LAMA3: variants seen among roughly 807,000 people sequenced by gnomAD.
The protein encoded by LAMA3 is laminin subunit alpha-3.
A neutral mutation model predicts 402.0 loss-of-function variants in LAMA3; 281 were observed. The observed-to-expected ratio is 0.70, with a 90% CI of 0.63 to 0.77. LAMA3 has a LOEUF of 0.77. LAMA3 is among the 30% of genes least tolerant of loss of function. LAMA3 has a pLI of 0.00. For missense variants in LAMA3, 3,840 were observed against 4,215.5 expected (o/e 0.91, Z 2.47); for synonymous variants, 1,431 against 1,558.4 (o/e 0.92, Z 1.93).
intron 22 of LAMA3, 74 bp from the exon 23 acceptor site, chr18:23,827,240 G>A (rs2063400809): frequency 1.4e-6 from 2 of 1,449,092 alleles, no homozygotes; most frequent in African/African-American, 1.4e-5. Flanking sequence ...AGAGTCTTTG[G>A]GGATGTACTT....
intron 12 of LAMA3, among the ~76,000 whole-genome samples, chr18:23,798,473 C>A (rs931609635): frequency 6.6e-6 from 1 of 152,106 alleles, no homozygotes; most frequent in Admixed American, 6.5e-5. Flanking sequence ...AGACACCGGC[C>A]GGGGAGGAGA....
At chr18:23,734,368 T>A (rs1479659442) in intron 2 of LAMA3, among the ~76,000 whole-genome samples, 1 of 152,190 alleles carries the variant, frequency 6.6e-6, no homozygotes, top group Non-Finnish European at 1.5e-5. Flanking sequence ...ACAGCCTCCA[T>A]CAGTTTGTGT....
rs2081298542 is a variant in LAMA3 at position 23,907,812 on chromosome 18, A to C, written c.6892A>C (p.Ile2298Leu). ...GAGCATGGTCAGAAAGGCCAACGAC[A>C]TCACAGATGAGGTTCTGGATGGGCT... The part of the protein sequence containing the change: ...AKSMVRKAND[I>L]TDEVLDGLNP... Residue 2298 changes from isoleucine (I) to leucine (L), a missense_variant, in exon 54 of 75, where the codon ATC becomes CTC. Ile to Leu is a conservative substitution (Grantham distance 5). Around this residue, in one of 3 missense-constraint regions of LAMA3, gnomAD observed 891 missense variants for 857.5 expected, o/e 1.04. Coordinates refer to ENST00000313654, the MANE Select transcript of LAMA3 (RefSeq NM_198129.4). The C allele has an allele frequency of 1.9e-6, 3 of 1,614,254 alleles. No individual in the cohort carries two copies. The highest frequency in any genetic ancestry group is 2.5e-6 in the Non-Finnish European group (3 of 1,180,044).
At chr18:23,845,614 A>G (rs1023720648) in intron 30 of LAMA3, among the ~76,000 whole-genome samples, 14 of 152,134 alleles carry the variant, frequency 9.2e-5, no homozygotes, top group African/African-American at 3.4e-4. Flanking sequence ...AGCTCCTGCC[A>G]TTCTCTTCTG....
At chr18:23,922,159 T>A (rs1467069911) in intron 62 of LAMA3, among the ~76,000 whole-genome samples, 1 of 152,246 alleles carries the variant, frequency 6.6e-6, no homozygotes, top group Non-Finnish European at 1.5e-5. Flanking sequence ...CCCACCATTT[T>A]GGAATGCACG....
chr18:23,812,551 A>G (rs760083488), intron 13 of LAMA3, among the ~76,000 whole-genome samples: 9 of 152,212 alleles, frequency 5.9e-5, no homozygotes, highest in Non-Finnish European at 1.2e-4. Flanking sequence ...CAAGATCCCA[A>G]TTTATTGAAG....
intron 2 of LAMA3, among the ~76,000 whole-genome samples, chr18:23,742,607 G>A (rs578241754): frequency 6.6e-6 from 1 of 151,966 alleles, no homozygotes; most frequent in East Asian, 1.9e-4. Flanking sequence ...TATTTAGGAG[G>A]AAAGTATTAT....
chr18:23,890,040 A>G lies in LAMA3; in HGVS notation c.5333A>G (p.Gln1778Arg). ...GCACCGGGATATTTCGGGAATCCCC[A>G]GAAATTCGGAGGTAGCTGCCAACCA... ...RCAPGYFGNP[Q>R]KFGGSCQPCS... is the part of the protein sequence containing the mutation. Residue 1778 changes from glutamine to arginine, a missense_variant, in exon 42 of 75, where the codon CAG becomes CGG. Transcript: ENST00000313654. 1 of 1,614,048 alleles carries G rather than the reference A, an allele frequency of 6.2e-7. No homozygotes were observed. The highest frequency in any genetic ancestry group is 8.5e-7 in the Non-Finnish European group (1 of 1,179,866).
At chr18:23,738,240 G>A (rs2061508730) in intron 2 of LAMA3, among the ~76,000 whole-genome samples, 1 of 151,862 alleles carries the variant, frequency 6.6e-6, no homozygotes, top group Non-Finnish European at 1.5e-5. Flanking sequence ...GGAAGGAGAG[G>A]CGTTTTCTTT....
At chr18:23,706,109 G>C (rs1448499986) in intron 1 of LAMA3, among the ~76,000 whole-genome samples, 3 of 151,892 alleles carry the variant, frequency 2.0e-5, no homozygotes, top group African/African-American at 7.3e-5. Context: ...ATATTGCTGA[G>C]ATTCATCAAT....
At chr18:23,888,908 C>A (rs2080537035) in intron 41 of LAMA3, among the ~76,000 whole-genome samples, 1 of 148,488 alleles carries the variant, frequency 6.7e-6, no homozygotes, top group Non-Finnish European at 1.5e-5. Context: ...ATCCCAACTC[C>A]AGGAGCATGA....
In LAMA3 at chr18:23,689,650, G is replaced by A. The variant is rs973405698; in HGVS notation, c.-34G>A. 60 of 1,261,708 alleles carry A rather than the reference G, an allele frequency of 4.8e-5. No individual in the cohort carries two copies. Among genetic ancestry groups the A allele is most frequent in the Non-Finnish European group, 1.5e-5 (15 of 1,006,806 alleles). 78.2% of individuals were successfully genotyped at this position (1,261,708 alleles called of 1,614,324 possible). On this transcript the variant is annotated 5_prime_UTR_variant, in exon 1 of 75. Coordinates refer to ENST00000313654, the MANE Select transcript of LAMA3 (RefSeq NM_198129.4). Reference sequence around the variant, plus strand: ...CGGCGGTGCCCCCGAGCCCCTCTGCGGACGGCTCAGGCGGGAGGACCCCGC... The same window carrying A: ...CGGCGGTGCCCCCGAGCCCCTCTGCAGACGGCTCAGGCGGGAGGACCCCGC...
chr18:23,779,034 G>A (rs1472049068), intron 11 of LAMA3, among the ~76,000 whole-genome samples: 3 of 152,182 alleles, frequency 2.0e-5, no homozygotes, highest in Non-Finnish European at 4.4e-5. Context: ...AGTCCCTGGG[G>A]CAGGGGCAGC....
intron 70 of LAMA3, among the ~76,000 whole-genome samples, chr18:23,947,817 T>C (rs906505822): frequency 1.3e-5 from 2 of 148,922 alleles, no homozygotes; most frequent in East Asian, 3.9e-4. Context: ...ATTTTCTTTT[T>C]TTTTTTTTTT....
intron 70 of LAMA3, 85 bp downstream of exon 70, chr18:23,946,369 C>A: frequency 7.5e-7 from 1 of 1,341,428 alleles, no homozygotes; most frequent in South Asian, 1.2e-5. Context: ...AAAATACTCA[C>A]CATATGAGAA....
intron 39 of LAMA3, among the ~76,000 whole-genome samples, chr18:23,880,563 T>C (rs1169305915): frequency 6.6e-6 from 1 of 152,198 alleles, no homozygotes; most frequent in Non-Finnish European, 1.5e-5. Context: ...TTTCCCAATC[T>C]ACCTTCAGAT....
At position 23,932,225 on chromosome 18, in the gene LAMA3, C is replaced by T; in HGVS notation, c.8642C>T (p.Ser2881Phe). ...NSKRLKHISS[S>F]RQSLRLGGSN... Reference sequence around the variant, plus strand: ...AAAAGGCTAAAACACATTTCAAGTTCCCGGCAGTCTCTGCGTCTGGGCGGG... The same window carrying T: ...AAAAGGCTAAAACACATTTCAAGTTTCCGGCAGTCTCTGCGTCTGGGCGGG... The change falls in exon 66 of 75, where the codon TCC (serine) becomes TTC (phenylalanine). Residue 2881 changes from serine (S) to phenylalanine (F), a missense_variant. By Grantham distance (155) the Ser-to-Phe change is radical. Coordinates refer to ENST00000313654, the MANE Select transcript of LAMA3 (RefSeq NM_198129.4). 1 of 1,614,064 alleles carries T rather than the reference C, an allele frequency of 6.2e-7. No individual in the cohort carries two copies. The highest frequency in any genetic ancestry group is 8.5e-7 in the Non-Finnish European group (1 of 1,179,918).
intron 36 of LAMA3, among the ~76,000 whole-genome samples, chr18:23,865,897 G>T (rs188518975): frequency 6.6e-6 from 1 of 152,262 alleles, no homozygotes; most frequent in East Asian, 1.9e-4. Context: ...AGGGTTTGAT[G>T]CTATAACAGG....
rs757601011 is a variant in LAMA3 at position 23,914,388 on chromosome 18, T to A, written c.7330-22T>A. ...TGAGAAACCACAATGTGAAGTGTTC[T>A]GAGGTGGCCCTTTGTCTCCAGGCCT... On this transcript the variant is annotated intron_variant, in intron 56 of 74. Transcript: ENST00000313654. 8.1e-6 allele frequency: 13 copies of A among 1,614,080 alleles called. No homozygotes were observed. In the Admixed American group the frequency reaches 8.3e-5, roughly 10 times the overall value.
Sources: gnomAD v4.1 joint callset for allele counts (sites outside exome capture counted in the v4.1 genomes callset) on GRCh38, gnomAD v4.1.1 for gene constraint, gnomAD v4.1.1 regional missense constraint, MANE v1.5 for transcripts, NCBI Gene and HGNC (gene_info 2026-07-23, HGNC 2026-07-21) for gene names.